Variants in PTPN4 observed in about 807,000 individuals in gnomAD.
PTPN4 encodes the protein tyrosine-protein phosphatase non-receptor type 4.
PTPN4 carries 49 observed loss-of-function variants against 135.5 expected under a neutral mutation model. That is an observed-to-expected ratio of 0.36 (90% CI 0.29 to 0.46). The LOEUF is 0.46. Among genes scored for constraint, PTPN4 ranks in the 20% least tolerant of loss-of-function variants. PTPN4 has a pLI of 1.00. For missense variants in PTPN4, 860 were observed against 1,101.0 expected, an observed-to-expected ratio of 0.78 and a Z score of 3.10; for synonymous variants, 333 against 369.9, an observed-to-expected ratio of 0.90 and a Z score of 1.14.
intron 13 of PTPN4, among the ~76,000 whole-genome samples, chr2:119,929,153 A>G (rs1389329667): frequency 6.6e-6 from 1 of 152,148 alleles, no homozygotes; most frequent in Non-Finnish European, 1.5e-5. Flanking sequence ...ATAAGGTATC[A>G]GCTACAATGA....
At chr2:119,968,273 T>C (rs1386141546) in intron 26 of PTPN4, among the ~76,000 whole-genome samples, 1 of 152,206 alleles carries the variant, frequency 6.6e-6, no homozygotes, top group East Asian at 1.9e-4. Context: ...ATTTCTAAAA[T>C]ATATTTAATA....
At chr2:119,793,764 C>T (rs1396358280) in intron 1 of PTPN4, among the ~76,000 whole-genome samples, 2 of 151,436 alleles carry the variant, frequency 1.3e-5, no homozygotes, top group Admixed American at 1.3e-4. Flanking sequence ...CCCTGACTTC[C>T]TGCAACAAAT....
At chr2:119,851,277 C>G (rs1677587094) in intron 2 of PTPN4, among the ~76,000 whole-genome samples, 1 of 152,048 alleles carries the variant, frequency 6.6e-6, no homozygotes, top group Admixed American at 6.6e-5. Context: ...TTAATTCTTG[C>G]CTCCTTATAA....
At chr2:119,951,557 T>A (rs1679211362) in intron 18 of PTPN4, among the ~76,000 whole-genome samples, 1 of 152,212 alleles carries the variant, frequency 6.6e-6, no homozygotes, top group African/African-American at 2.4e-5. Context: ...TATGTAGTGA[T>A]TTTTGTGTAC....
chr2:119,799,751 C>T (rs1322179203), intron 1 of PTPN4, among the ~76,000 whole-genome samples: 1 of 152,270 alleles, frequency 6.6e-6, no homozygotes. Flanking sequence ...AAGGAAAAGA[C>T]GTTAAAGCTG....
intron 12 of PTPN4, among the ~76,000 whole-genome samples, chr2:119,923,934 G>A (rs778246198): frequency 3.4e-4 from 51 of 152,084 alleles, no homozygotes; most frequent in Non-Finnish European, 6.9e-4. Flanking sequence ...TCAGCAGATC[G>A]AGACCATCTT....
chr2:119,878,662 T>G (rs1159042762), intron 5 of PTPN4, among the ~76,000 whole-genome samples: 1 of 151,232 alleles, frequency 6.6e-6, no homozygotes, highest in Non-Finnish European at 1.5e-5. Context: ...TCAGTCAGTG[T>G]GTTTTGGGGT....
chr2:119,952,019 T>G lies in PTPN4; in HGVS notation c.1703T>G (p.Leu568Arg). ...PRLNEGDQVV[L>R]INGRDIAEHT... ...CTGAATGAAGGGGACCAAGTTGTACTGATCAATGGTCGGGACATTGCAGAA... is the reference window on the plus strand; with the variant it reads ...CTGAATGAAGGGGACCAAGTTGTACGGATCAATGGTCGGGACATTGCAGAA... Residue 568 changes from leucine (L) to arginine (R), a missense_variant, in exon 19 of 27, where the codon CTG becomes CGG. This residue lies in a region of PTPN4 where 684 missense variants were observed against 807.0 expected (regional missense o/e 0.85). Transcript: ENST00000263708. The G allele has an allele frequency of 6.2e-7, 1 of 1,613,366 alleles. No individual in the cohort carries two copies. Among genetic ancestry groups the G allele is most frequent in the South Asian group, 1.1e-5 (1 of 91,068 alleles).
At chr2:119,931,192 A>G (rs1678900370) in intron 13 of PTPN4, among the ~76,000 whole-genome samples, 2 of 152,076 alleles carry the variant, frequency 1.3e-5, no homozygotes, top group South Asian at 2.1e-4. Flanking sequence ...AAGATGATTT[A>G]TTATATACTT....
intron 1 of PTPN4, among the ~76,000 whole-genome samples, chr2:119,794,613 C>T (rs142458507): frequency 7.9e-5 from 12 of 152,306 alleles, no homozygotes; most frequent in East Asian, 3.9e-4. Context: ...CCAGAAATCA[C>T]GGAGCCTTGA....
At chr2:119,887,165 A>G (rs1264063520) in intron 9 of PTPN4, among the ~76,000 whole-genome samples, 1 of 152,152 alleles carries the variant, frequency 6.6e-6, no homozygotes, top group African/African-American at 2.4e-5. Flanking sequence ...AACAGATGGA[A>G]CTTTAAATAT....
intron 2 of PTPN4, among the ~76,000 whole-genome samples, chr2:119,826,286 A>G (rs912405246): frequency 6.6e-6 from 1 of 152,244 alleles, no homozygotes; most frequent in Non-Finnish European, 1.5e-5. Flanking sequence ...TAGCTGCACT[A>G]TACTTATTTT....
At chr2:119,966,817 C>G (rs1679452039) in intron 25 of PTPN4, among the ~76,000 whole-genome samples, 1 of 152,196 alleles carries the variant, frequency 6.6e-6, no homozygotes. Context: ...ACCCAAGTCC[C>G]CTTCTGCCCT....
At chr2:119,867,782 T>G (rs1256909863) in intron 3 of PTPN4, among the ~76,000 whole-genome samples, 1 of 152,214 alleles carries the variant, frequency 6.6e-6, no homozygotes, top group Non-Finnish European at 1.5e-5. Flanking sequence ...CTTGAGACCT[T>G]GCTAATACAC....
chr2:119,859,444 A>G (rs1263017144), intron 2 of PTPN4, among the ~76,000 whole-genome samples: 1 of 152,208 alleles, frequency 6.6e-6, no homozygotes, highest in Non-Finnish European at 1.5e-5. Context: ...GGTCAGTTTT[A>G]CATGTAGTCA....
In PTPN4 at chr2:119,885,840, A is replaced by G. The variant is rs757271269; in HGVS notation, c.633A>G (p.Ala211=). ...CAGAATTTAATTACCTAAACACAGC[A>G]CGTACCTTAGAACTCTATGGAGTTG... ...AEAEFNYLNT[A]RTLELYGVEF... Residue 211 remains alanine (A), a synonymous_variant, in exon 9 of 27, where the codon GCA becomes GCG. Coordinates refer to ENST00000263708, the MANE Select transcript of PTPN4 (RefSeq NM_002830.4). 6.2e-7 allele frequency: 1 copy of G among 1,606,120 alleles called. No homozygotes were observed. Among genetic ancestry groups the G allele is most frequent in the Non-Finnish European group, 8.5e-7 (1 of 1,177,350 alleles).
Position 119,862,643 on chromosome 2 carries a change from A to G in PTPN4, c.246A>G (p.Pro82=), listed in dbSNP as rs933274312. The G allele has an allele frequency of 2.5e-6, 4 of 1,597,344 alleles. No homozygotes were observed. The highest frequency in any genetic ancestry group is 3.4e-5 in the Admixed American group (2 of 59,556). ...LQLADDSTDN[P]RWLDPNKPIR... ...TGGCTGATGATTCCACAGATAACCC[A>G]GTAAGTGTAAGATTTTGTCTTTCAT... Residue 82 remains proline, a splice_region_variant and synonymous_variant, in exon 3 of 27, where the codon CCA becomes CCG. Transcript: ENST00000263708.
In PTPN4 at chr2:119,977,144, C is replaced by T; in HGVS notation, c.*74C>T. The T allele has an allele frequency of 2.9e-6, 4 of 1,394,642 alleles. No individual in the cohort carries two copies. The South Asian group carries it at 5.6e-5, about 19-fold the overall frequency. The allele number at this position is 1,394,642 out of a possible 1,614,324, so 86.4% of individuals were successfully genotyped here. Reference sequence around the variant, plus strand: ...GTTCACTGTGCCATAATGCTGCTCGCAGGAAATGGCATTTTACAAAAAAAA... The same window carrying T: ...GTTCACTGTGCCATAATGCTGCTCGTAGGAAATGGCATTTTACAAAAAAAA... On this transcript the variant is annotated 3_prime_UTR_variant, in exon 27 of 27. Coordinates refer to ENST00000263708, the MANE Select transcript of PTPN4 (RefSeq NM_002830.4).
chr2:119,862,798 TTGAC>T (rs1447038724), intron 3 of PTPN4, among the ~76,000 whole-genome samples, 155 bp downstream of exon 3: 1 of 152,162 alleles, frequency 6.6e-6, no homozygotes, highest in East Asian at 1.9e-4. Context: ...TCCTCTTTTC[TTGAC>T]ATTTTAATCT....
Sources: allele counts gnomAD v4.1 joint callset (sites outside exome capture counted in the v4.1 genomes callset), GRCh38; gene constraint gnomAD v4.1.1; regional missense constraint gnomAD v4.1.1; transcripts MANE v1.5; gene names NCBI Gene and HGNC (gene_info 2026-07-23, HGNC 2026-07-21).